Variants in PBRM1 observed in about 807,000 individuals in gnomAD.
PBRM1 encodes the protein protein polybromo-1.
A neutral mutation model predicts 194.5 loss-of-function variants in PBRM1; 27 were observed. That is an observed-to-expected ratio of 0.14 (90% CI 0.10 to 0.19). The LOEUF (loss-of-function observed/expected upper bound fraction) is 0.19. Among genes scored for constraint, PBRM1 ranks in the 10% least tolerant of loss-of-function variants. PBRM1 has a pLI of 1.00. For missense variants in PBRM1, 1,466 were observed against 2,077.2 expected (o/e 0.71, Z 5.72); for synonymous variants, 655 against 693.2 (o/e 0.94, Z 0.87).
intron 5 of PBRM1, 146 bp downstream of exon 6, chr3:52,658,053 A>G (rs907894666): frequency 2.0e-5 from 11 of 540,864 alleles, no homozygotes; most frequent in Non-Finnish European, 3.8e-5. Flanking sequence ...TCGGCCTCCC[A>G]AAGTGCTGGG....
intron 15 of PBRM1, among the ~76,000 whole-genome samples, chr3:52,611,631 T>C (rs1048060687): frequency 1.3e-5 from 2 of 151,716 alleles, no homozygotes; most frequent in African/African-American, 2.4e-5. Context: ...AGCAAAACCC[T>C]GTCTCTACTA....
intron 17 of PBRM1, among the ~76,000 whole-genome samples, chr3:52,599,820 A>G (rs1205981310): frequency 6.7e-6 from 1 of 150,096 alleles, no homozygotes; most frequent in Non-Finnish European, 1.5e-5. Context: ...ACAGAGTGAG[A>G]CTCCATCTCA....
exon 25 of PBRM1, chr3:52,561,886 C>A (rs1209675086): frequency 6.2e-7 from 1 of 1,614,116 alleles, no homozygotes. Flanking sequence ...CATCTCACTG[C>A]TGAACAGGAT....
At chr3:52,628,474 ATTGT>A (rs36059845) in intron 12 of PBRM1, among the ~76,000 whole-genome samples, 2 of 147,582 alleles carry the variant, frequency 1.4e-5, no homozygotes, top group Admixed American at 1.4e-4. Context: ...TATTATATAT[ATTGT>A]TTGTTTGTTT....
At chr3:52,547,509 T>G (rs2079829318), downstream of PBRM1, 1 of 233,450 alleles carries the variant, frequency 4.3e-6, no homozygotes, top group Non-Finnish European at 8.5e-6. Flanking sequence ...AAGCACTTCA[T>G]CTGTAAGAAA....
At chr3:52,560,739 G>T (rs2083322903) in intron 25 of PBRM1, 1 of 152,166 alleles carries the variant, frequency 6.6e-6, no homozygotes, top group South Asian at 2.1e-4. Context: ...TAAACATCTT[G>T]CAGGATTAGG....
chr3:52,634,630 T>C, exon 11 of PBRM1: 6 of 1,611,942 alleles, frequency 3.7e-6, no homozygotes, highest in Non-Finnish European at 5.1e-6. Flanking sequence ...ATGGGCATTT[T>C]AATTTGCTGG....
intron 4 of PBRM1, among the ~76,000 whole-genome samples, chr3:52,660,625 G>A (rs2096704385): frequency 6.6e-6 from 1 of 151,926 alleles, no homozygotes; most frequent in South Asian, 2.1e-4. Flanking sequence ...CGATTCTCCT[G>A]CCTCAGCCTC....
intron 27 of PBRM1, 57 bp from the exon 30 acceptor site, chr3:52,550,874 A>C: frequency 9.0e-7 from 1 of 1,105,476 alleles, no homozygotes; most frequent in Non-Finnish European, 1.4e-6. Context: ...TGACTGAAAA[A>C]CTACTGTCTG....
intron 5 of PBRM1, among the ~76,000 whole-genome samples, chr3:52,653,572 A>C (rs1410373833): frequency 2.3e-5 from 3 of 133,212 alleles, no homozygotes; most frequent in African/African-American, 8.5e-5. Context: ...CTGGGCAAGA[A>C]GAGCAGAATT....
intron 22 of PBRM1, among the ~76,000 whole-genome samples, chr3:52,573,222 A>C (rs1280674995): frequency 6.6e-6 from 1 of 152,158 alleles, no homozygotes; most frequent in East Asian, 1.9e-4. Flanking sequence ...GTCATGTTGA[A>C]AATTAAATGA....
chr3:52,578,313 G>A (rs2090222120), intron 21 of PBRM1, among the ~76,000 whole-genome samples: 1 of 152,214 alleles, frequency 6.6e-6, no homozygotes, highest in South Asian at 2.1e-4. Context: ...AGCTCCCCAG[G>A]AAAAAGAATA....
chr3:52,622,580 T>A (rs888867378), intron 13 of PBRM1, among the ~76,000 whole-genome samples: 2 of 152,226 alleles, frequency 1.3e-5, no homozygotes, highest in Non-Finnish European at 1.5e-5. Context: ...GGCTCTATTC[T>A]GAATCCCTGA....
upstream of PBRM1, chr3:52,682,017 T>G (rs1561178530): frequency 6.4e-6 from 1 of 155,514 alleles, no homozygotes; most frequent in African/African-American, 2.4e-5. Context: ...TAACAGTACC[T>G]GACAGTTCTT....
intron 22 of PBRM1, among the ~76,000 whole-genome samples, chr3:52,568,398 T>C (rs2086019446): frequency 6.6e-6 from 1 of 152,254 alleles, no homozygotes; most frequent in South Asian, 2.1e-4. Flanking sequence ...TCTTTGTCTA[T>C]GATAAACATT....
intron 20 of PBRM1, among the ~76,000 whole-genome samples, chr3:52,584,918 T>C (rs1161215292): frequency 2.0e-5 from 3 of 152,058 alleles, no homozygotes; most frequent in Non-Finnish European, 4.4e-5. Flanking sequence ...GACACAAATA[T>C]GAATTTAAAA....
chr3:52,609,478 C>T lies in PBRM1; in HGVS notation c.2402G>A (p.Ser801Asn), dbSNP rs760662449. Residue 801 changes from serine (S) to asparagine (N), a missense_variant, in exon 16 of 30, where the codon AGC (serine) becomes AAC (asparagine). Physicochemically the swap from Ser to Asn is conservative, Grantham distance 46 (BLOSUM62 1). This residue lies in a region of PBRM1 where 687 missense variants were observed against 946.2 expected (regional missense o/e 0.73). Coordinates refer to ENST00000296302, the Ensembl canonical transcript of PBRM1. This position sits in a 1 kb window ranked among gnomAD's most constrained non-coding sequence, Gnocchi z 4.1. ...AGCAGGAATTTCTGCTAAAGAATCGCTGTAGCATCTTCCCTCATCATCCTG... is the reference window on the plus strand; with the variant it reads ...AGCAGGAATTTCTGCTAAAGAATCGTTGTAGCATCTTCCCTCATCATCCTG... 3 of 1,614,094 alleles carry T rather than the reference C, an allele frequency of 1.9e-6. No individual in the cohort carries two copies. Among genetic ancestry groups the T allele is most frequent in the Admixed American group, 3.3e-5 (2 of 60,026 alleles).
intron 17 of PBRM1, among the ~76,000 whole-genome samples, chr3:52,596,987 T>C (rs1365625002): frequency 6.6e-6 from 1 of 152,276 alleles, no homozygotes; most frequent in East Asian, 1.9e-4. Context: ...TGGCAAGGCT[T>C]GCTGGAACCC....
chr3:52,560,250 A>G (rs1163362329), intron 25 of PBRM1, among the ~76,000 whole-genome samples: 1 of 152,190 alleles, frequency 6.6e-6, no homozygotes, highest in Non-Finnish European at 1.5e-5. Context: ...CCAGCCATCC[A>G]GCACTGGCTC....
Sources: gnomAD v4.1 joint callset for allele counts (sites outside exome capture counted in the v4.1 genomes callset) on GRCh38, gnomAD v4.1.1 for gene constraint, gnomAD v4.1.1 regional missense constraint, Gnocchi (gnomAD v3.1) non-coding constraint, MANE v1.5 for transcripts, NCBI Gene and HGNC (gene_info 2026-07-23, HGNC 2026-07-21) for gene names.